The following PPP2R2A variants were observed in gnomAD, a reference collection of about 807,000 sequenced individuals.
PPP2R2A encodes serine/threonine-protein phosphatase 2A 55 kDa regulatory subunit B alpha isoform.
Under a neutral mutation model 53.2 loss-of-function variants are expected in PPP2R2A, and 9 were observed. The observed-to-expected ratio is 0.17, with a 90% confidence interval of 0.10 to 0.30. The LOEUF (loss-of-function observed/expected upper bound fraction) is 0.30. Ranked by LOEUF, PPP2R2A falls within the 10% of genes least tolerant of loss-of-function variation. The pLI is 1.00. For synonymous variants in PPP2R2A, 169 were observed against 174.2 expected (o/e 0.97, Z 0.23); for missense variants, 235 against 534.6 (o/e 0.44, Z 5.53).
chr8:26,331,671 G>A (rs1007978655), intron 2 of PPP2R2A, among the ~76,000 whole-genome samples: 5 of 152,112 alleles, frequency 3.3e-5, no homozygotes, highest in African/African-American at 9.7e-5. Context: ...ATTTAATTTC[G>A]TATTAGAATA....
At chr8:26,359,107 A>C (rs1804945838) in intron 4 of PPP2R2A, 1 of 304,166 alleles carries the variant, frequency 3.3e-6, no homozygotes, top group Admixed American at 3.5e-5. Flanking sequence ...TTCTGTTCCT[A>C]AAAACCCATG....
chr8:26,362,871 T>C lies in PPP2R2A; in HGVS notation c.802+23T>C. 6.3e-7 allele frequency: 1 copy of C among 1,596,528 alleles called. No homozygotes were observed. The highest frequency in any genetic ancestry group is 1.7e-5 in the Admixed American group (1 of 59,530). ...AATGTAAGTTTATTGTATCTTTCCT[T>C]AAAATGATTACATATTCTGTTTGTC... is the stretch of plus-strand genomic sequence containing the variant. On this transcript the variant is annotated intron_variant, in intron 7 of 9. Coordinates refer to ENST00000380737, the MANE Select transcript of PPP2R2A (RefSeq NM_002717.4). The surrounding 1 kb of genome is among the most constrained non-coding windows in gnomAD (Gnocchi z 4.4).
At chr8:26,330,994 G>A (rs532938174) in intron 2 of PPP2R2A, among the ~76,000 whole-genome samples, 14 of 152,220 alleles carry the variant, frequency 9.2e-5, no homozygotes, top group African/African-American at 3.4e-4. Flanking sequence ...TGCTGGTGGG[G>A]ATTTCTCTTC....
chr8:26,318,059 C>G (rs1802647127), intron 2 of PPP2R2A, among the ~76,000 whole-genome samples: 1 of 152,012 alleles, frequency 6.6e-6, no homozygotes, highest in African/African-American at 2.4e-5. Context: ...TGTTAAAACT[C>G]TGTGTGTATG....
chr8:26,319,030 C>T (rs1802700659), intron 2 of PPP2R2A, among the ~76,000 whole-genome samples: 1 of 152,152 alleles, frequency 6.6e-6, no homozygotes, highest in Non-Finnish European at 1.5e-5. Flanking sequence ...TCCTGTCTCC[C>T]CAGCACCTAG....
intron 8 of PPP2R2A, among the ~76,000 whole-genome samples, chr8:26,364,395 G>T (rs991442820): frequency 6.6e-6 from 1 of 152,168 alleles, no homozygotes; most frequent in Non-Finnish European, 1.5e-5. Context: ...GGCTTTAGGA[G>T]TTGCCTATCC....
At chr8:26,342,937 G>T (rs979792126) in intron 3 of PPP2R2A, among the ~76,000 whole-genome samples, 1 of 152,134 alleles carries the variant, frequency 6.6e-6, no homozygotes, top group African/African-American at 2.4e-5. Flanking sequence ...GATGCCTGCA[G>T]TCCCAACACT....
At chr8:26,323,351 C>T (rs1403732261) in intron 2 of PPP2R2A, among the ~76,000 whole-genome samples, 1 of 152,208 alleles carries the variant, frequency 6.6e-6, no homozygotes, top group East Asian at 1.9e-4. Flanking sequence ...ATCAGTTTTG[C>T]AGCAGACACC....
intron 2 of PPP2R2A, among the ~76,000 whole-genome samples, chr8:26,312,052 C>T (rs1802315546): frequency 1.3e-5 from 2 of 152,050 alleles, no homozygotes; most frequent in South Asian, 2.1e-4. Flanking sequence ...TCTTTCTCCT[C>T]GTTCTTCTAC....
In PPP2R2A at chr8:26,302,529, G is replaced by A. The variant is rs556398736; in HGVS notation, c.82+8789G>A. 2.6e-3 allele frequency among the ~76,000 whole-genome samples: 399 copies of A among 152,306 alleles called. 1 individual carries two copies. The highest frequency in any genetic ancestry group is 9.1e-3 in the African/African-American group (380 of 41,564). On this transcript the variant is annotated intron_variant, in intron 2 of 9. Transcript: ENST00000380737. ...TAGAGCATTGAATTTTAATGTGACA[G>A]ACTACCGATATGTTTTGAGATTCCA... is the stretch of plus-strand genomic sequence containing the variant.
chr8:26,306,993 A>G (rs1400299437), intron 2 of PPP2R2A, among the ~76,000 whole-genome samples: 1 of 152,222 alleles, frequency 6.6e-6, no homozygotes, highest in Non-Finnish European at 1.5e-5. Context: ...TGTTTTTAAC[A>G]GCGCATCTTT....
intron 2 of PPP2R2A, among the ~76,000 whole-genome samples, chr8:26,295,619 A>C (rs1205022244): frequency 6.6e-6 from 1 of 152,116 alleles, no homozygotes. Flanking sequence ...TGGTTAAATA[A>C]TTTTCTTTAG....
intron 1 of PPP2R2A, chr8:26,293,349 G>A: frequency 7.3e-7 from 1 of 1,369,042 alleles, no homozygotes; most frequent in Non-Finnish European, 1.0e-6. Context: ...TTAACTCTTG[G>A]TATTTACTTT....
chr8:26,311,986 C>T (rs1413460692), intron 2 of PPP2R2A, among the ~76,000 whole-genome samples: 2 of 152,068 alleles, frequency 1.3e-5, no homozygotes, highest in African/African-American at 4.8e-5. Context: ...ATTGGCTCCC[C>T]TTGCTACCTA....
intron 4 of PPP2R2A, among the ~76,000 whole-genome samples, chr8:26,358,071 G>A (rs1202770267): frequency 6.6e-6 from 1 of 151,980 alleles, no homozygotes; most frequent in Non-Finnish European, 1.5e-5. Flanking sequence ...TTTCCTGCCT[G>A]CCTTGTCCCC....
intron 2 of PPP2R2A, among the ~76,000 whole-genome samples, chr8:26,307,863 TGGGGGAGTGA>T (rs1180355262): frequency 6.6e-6 from 1 of 152,150 alleles, no homozygotes; most frequent in Non-Finnish European, 1.5e-5. Context: ...AGTTGGAAAA[TGGGGGAGTGA>T]GGGGTTGAAC....
intron 3 of PPP2R2A, among the ~76,000 whole-genome samples, chr8:26,348,150 G>A (rs542472316): frequency 1.3e-5 from 2 of 152,016 alleles, no homozygotes; most frequent in South Asian, 2.1e-4. Flanking sequence ...GTAAGTTTTA[G>A]TAGGGTTCTA....
At chr8:26,334,008 C>CTT (rs11419341) in intron 2 of PPP2R2A, among the ~76,000 whole-genome samples, 45 of 151,460 alleles carry the variant, frequency 3.0e-4, no homozygotes, top group African/African-American at 8.0e-4. Flanking sequence ...CATTACATTA[C>CTT]TTTTTTTTTA....
At chr8:26,294,731 A>G (rs187385970) in intron 2 of PPP2R2A, among the ~76,000 whole-genome samples, 1 of 151,792 alleles carries the variant, frequency 6.6e-6, no homozygotes, top group South Asian at 2.1e-4. Flanking sequence ...ATTTTTTTTC[A>G]GGTGGTGGGT....
Sources: gnomAD v4.1 joint callset for allele counts (sites outside exome capture counted in the v4.1 genomes callset) on GRCh38, gnomAD v4.1.1 for gene constraint, Gnocchi (gnomAD v3.1) non-coding constraint, MANE v1.5 for transcripts, NCBI Gene and HGNC (gene_info 2026-07-23, HGNC 2026-07-21) for gene names.